ZNF280D: variants seen among roughly 807,000 people sequenced by gnomAD.
ZNF280D encodes zinc finger protein 280D.
ZNF280D carries 39 observed loss-of-function variants against 94.7 expected under a neutral mutation model. The ratio of observed to expected loss-of-function variants is 0.41; its 90% confidence interval spans 0.32 to 0.54. The LOEUF (loss-of-function observed/expected upper bound fraction) is 0.54, where lower values mean the gene tolerates loss of function less well. ZNF280D is among the 20% of genes least tolerant of loss of function. ZNF280D has a pLI of 0.22. For synonymous variants in ZNF280D, 398 were observed against 377.6 expected (o/e 1.05, Z -0.63); for missense variants, 1,090 against 1,149.3 (o/e 0.95, Z 0.75).
chr15:56,670,014 A>ATG (rs2054749132), intron 13 of ZNF280D, among the ~76,000 whole-genome samples: 1 of 28,352 alleles, frequency 3.5e-5, no homozygotes, highest in Non-Finnish European at 6.3e-5. Context: ...TATATAATAT[A>ATG]TATATATAGT....
chr15:56,642,510 T>C (rs1415198211), intron 20 of ZNF280D, among the ~76,000 whole-genome samples: 4 of 151,810 alleles, frequency 2.6e-5, no homozygotes, highest in African/African-American at 9.7e-5. Flanking sequence ...AGTTCTGCAT[T>C]CAGAGTACTT....
intron 12 of ZNF280D, among the ~76,000 whole-genome samples, chr15:56,677,350 T>C (rs900563852): frequency 2.0e-5 from 3 of 152,254 alleles, no homozygotes; most frequent in Admixed American, 6.5e-5. Context: ...TAAGTCCATA[T>C]GTTTGTTTTT....
At chr15:56,639,287 G>T (rs1379500763) in intron 20 of ZNF280D, among the ~76,000 whole-genome samples, 2 of 147,694 alleles carry the variant, frequency 1.4e-5, no homozygotes, top group African/African-American at 5.0e-5. Flanking sequence ...AATTAAATGA[G>T]CTAAAAAAAA....
intron 1 of ZNF280D, among the ~76,000 whole-genome samples, chr15:56,728,859 T>C (rs1160994346): frequency 2.0e-5 from 3 of 152,292 alleles, no homozygotes; most frequent in Middle Eastern, 3.4e-3. Context: ...AAATAAGCTT[T>C]GAGTTAGATG....
intron 13 of ZNF280D, among the ~76,000 whole-genome samples, chr15:56,669,914 T>TAA (rs1491162228): frequency 0.035 from 93 of 2,674 alleles, 16 homozygotes; most frequent in South Asian, 0.088. Flanking sequence ...TATATATATA[T>TAA]TATATATATA....
chr15:56,718,772 A>G (rs867283439), intron 1 of ZNF280D, among the ~76,000 whole-genome samples: 1 of 152,216 alleles, frequency 6.6e-6, no homozygotes, highest in Admixed American at 6.5e-5. Flanking sequence ...CAGCTACAGC[A>G]TTATCTACTC....
At chr15:56,731,409 G>A (rs374434860) in intron 1 of ZNF280D, among the ~76,000 whole-genome samples, 5 of 151,656 alleles carry the variant, frequency 3.3e-5, no homozygotes, top group East Asian at 1.9e-4. Flanking sequence ...AGGCCGAGGT[G>A]GGAGGATGGC....
chr15:56,710,008 A>AAAAT (rs766143514), intron 1 of ZNF280D, among the ~76,000 whole-genome samples: 1 of 152,168 alleles, frequency 6.6e-6, no homozygotes, highest in Admixed American at 6.5e-5. Context: ...AAAGTATAAT[A>AAAAT]AAATAAATAA....
chr15:56,690,455 T>A (rs1281492942), intron 7 of ZNF280D, among the ~76,000 whole-genome samples: 1 of 152,142 alleles, frequency 6.6e-6, no homozygotes, highest in African/African-American at 2.4e-5. Flanking sequence ...ATGGAAGTAG[T>A]AAGTATAATG....
At chr15:56,727,859 A>G (rs1175190132) in intron 1 of ZNF280D, among the ~76,000 whole-genome samples, 8 of 152,216 alleles carry the variant, frequency 5.3e-5, no homozygotes, top group Non-Finnish European at 1.5e-5. Context: ...AACTTAATCA[A>G]TGAGAGAATA....
At chr15:56,699,865 G>C (rs536933118) in intron 6 of ZNF280D, 29 of 152,654 alleles carry the variant, frequency 1.9e-4, no homozygotes, top group Non-Finnish European at 3.5e-4. Flanking sequence ...TCAGGGATTG[G>C]GTATAACTGG....
intron 20 of ZNF280D, among the ~76,000 whole-genome samples, chr15:56,642,574 TA>T (rs2052681013): frequency 6.6e-6 from 1 of 151,798 alleles, no homozygotes; most frequent in Non-Finnish European, 1.5e-5. Context: ...AAAATTAGTT[TA>T]ACCTTTTGAC....
At chr15:56,659,353 T>C (rs541789152) in intron 16 of ZNF280D, among the ~76,000 whole-genome samples, 2 of 152,080 alleles carry the variant, frequency 1.3e-5, no homozygotes, top group East Asian at 3.9e-4. Flanking sequence ...AAAGTGTAAA[T>C]ATCACCTAAC....
At chr15:56,701,524 C>G (rs1031613135) in intron 4 of ZNF280D, among the ~76,000 whole-genome samples, 8 of 151,990 alleles carry the variant, frequency 5.3e-5, no homozygotes, top group African/African-American at 1.7e-4. Flanking sequence ...ACAGGTGAGT[C>G]AAAACATTGT....
In ZNF280D at chr15:56,693,154, A is replaced by G; in HGVS notation, c.443T>C (p.Leu148Ser). 26 of 1,606,170 alleles carry G rather than the reference A, an allele frequency of 1.6e-5. No individual in the cohort carries two copies. Among genetic ancestry groups the G allele is most frequent in the Non-Finnish European group, 2.2e-5 (26 of 1,176,508 alleles). ...SNKSSELLFD[L>S]TQDTGLSHYQ... Reference sequence around the variant, plus strand: ...ATGTGATAATCCTGTATCCTGGGTCAAGTCAAACAGTAACTCTGATGACTT... The same window carrying G: ...ATGTGATAATCCTGTATCCTGGGTCGAGTCAAACAGTAACTCTGATGACTT... The change falls in exon 7 of 22, where the codon TTG (leucine) becomes TCG (serine). Residue 148 changes from leucine to serine, a missense_variant. By Grantham distance (145) the Leu-to-Ser change is moderately radical (BLOSUM62 -2). Transcript: ENST00000267807.
intron 1 of ZNF280D, among the ~76,000 whole-genome samples, chr15:56,708,382 T>C (rs2057543428): frequency 6.6e-6 from 1 of 152,180 alleles, no homozygotes; most frequent in Non-Finnish European, 1.5e-5. Flanking sequence ...CTGTAGCTTG[T>C]CCCACTAGCA....
intron 20 of ZNF280D, among the ~76,000 whole-genome samples, chr15:56,639,289 T>TA (rs566066702): frequency 0.054 from 7,178 of 132,236 alleles, 368 homozygotes; most frequent in Admixed American, 0.18. Context: ...TTAAATGAGC[T>TA]AAAAAAAAAA....
chr15:56,633,566 T>C (rs1400683982), intron 21 of ZNF280D, among the ~76,000 whole-genome samples: 2 of 151,928 alleles, frequency 1.3e-5, no homozygotes, highest in African/African-American at 2.4e-5. Context: ...TCTCGGCTCA[T>C]TGCAACCTCT....
At chr15:56,718,543 C>G (rs752504842) in intron 1 of ZNF280D, among the ~76,000 whole-genome samples, 1 of 152,190 alleles carries the variant, frequency 6.6e-6, no homozygotes, top group Non-Finnish European at 1.5e-5. Flanking sequence ...TATGCTTCAA[C>G]AGACTGCTTA....
Sources: allele counts gnomAD v4.1 joint callset (sites outside exome capture counted in the v4.1 genomes callset), GRCh38; gene constraint gnomAD v4.1.1; transcripts MANE v1.5; gene names NCBI Gene and HGNC (gene_info 2026-07-23, HGNC 2026-07-21).